Variants in FUT8 observed in about 807,000 individuals in gnomAD.
The protein encoded by FUT8 is alpha-(1,6)-fucosyltransferase.
FUT8 carries 29 observed loss-of-function variants against 71.3 expected under a neutral mutation model. The ratio of observed to expected loss-of-function variants is 0.41; its 90% CI spans 0.30 to 0.55. The LOEUF is 0.55. Ranked by LOEUF, FUT8 falls within the 20% of genes least tolerant of loss-of-function variation. FUT8 has a pLI of 0.34. For synonymous variants in FUT8, 254 were observed against 239.3 expected, an observed-to-expected ratio of 1.06 and a Z score of -0.57; for missense variants, 544 against 702.1, an observed-to-expected ratio of 0.77 and a Z score of 2.55.
intron 2 of FUT8, among the ~76,000 whole-genome samples, chr14:65,532,036 G>T (rs996827031): frequency 2.9e-4 from 44 of 152,124 alleles, no homozygotes; most frequent in Non-Finnish European, 2.9e-5. Context: ...AGGCATTTAG[G>T]TTGATTTCAT....
intron 9 of FUT8, among the ~76,000 whole-genome samples, chr14:65,728,112 C>T (rs147581783): frequency 6.3e-4 from 96 of 152,300 alleles, no homozygotes; most frequent in African/African-American, 2.0e-3. Context: ...CTAGGAAGTT[C>T]GAAACTCCCA....
the FUT8 span, among the ~76,000 whole-genome samples, chr14:65,365,514 A>C: frequency 2.0e-5 from 3 of 152,120 alleles, no homozygotes; most frequent in African/African-American, 7.2e-5. Flanking sequence ...ACAGGATGAG[A>C]TAGGAGGTCA....
chr14:65,651,584 T>C (rs1222478541), intron 6 of FUT8, among the ~76,000 whole-genome samples: 2 of 152,176 alleles, frequency 1.3e-5, no homozygotes, highest in Non-Finnish European at 2.9e-5. Flanking sequence ...GACACAGATG[T>C]TGGAATTGTC....
rs80283847 is a variant in FUT8 at position 65,532,537 on chromosome 14, T to C, written c.-227-28800T>C. Among the ~76,000 whole-genome samples the C allele has an allele frequency of 6.8e-3, 1,029 of 152,336 alleles. 16 individuals are homozygous for C. Among genetic ancestry groups the C allele is most frequent in the African/African-American group, 0.021 (877 of 41,586 alleles). ...TTATAGATGTTGGAAATTAGACCTT[T>C]GTCAGATTCATAGACCTTTACAGTT... On this transcript the variant is annotated intron_variant, in intron 2 of 10. Coordinates refer to ENST00000673929, the MANE Select transcript of FUT8 (RefSeq NM_001371533.1).
chr14:65,432,042 T>A (rs1205446681), intron 1 of FUT8, among the ~76,000 whole-genome samples: 1 of 152,204 alleles, frequency 6.6e-6, no homozygotes, highest in African/African-American at 2.4e-5. Flanking sequence ...ACCAGTGACC[T>A]TCTGAATTGC....
At chr14:65,518,324 A>AT (rs1248564810) in intron 2 of FUT8, among the ~76,000 whole-genome samples, 2 of 152,072 alleles carry the variant, frequency 1.3e-5, no homozygotes, top group African/African-American at 2.4e-5. Flanking sequence ...CTGTAGTAGT[A>AT]TTTTTTTCCT....
intron 3 of FUT8, among the ~76,000 whole-genome samples, chr14:65,587,785 A>G (rs1482357258): frequency 1.3e-5 from 2 of 152,200 alleles, no homozygotes; most frequent in Non-Finnish European, 2.9e-5. Context: ...GCATCCATGT[A>G]TTAGTTGTGT....
intron 3 of FUT8, among the ~76,000 whole-genome samples, chr14:65,596,877 A>T (rs545168290): frequency 1.3e-5 from 2 of 152,348 alleles, no homozygotes; most frequent in Admixed American, 6.5e-5. Flanking sequence ...TAGACTGTAG[A>T]CATCCTAGTT....
intron 7 of FUT8, among the ~76,000 whole-genome samples, chr14:65,692,321 C>G (rs1176123145): frequency 4.6e-5 from 7 of 150,872 alleles, no homozygotes; most frequent in African/African-American, 9.7e-5. Context: ...AGAGGCGCCC[C>G]TCACCTCCCA....
At chr14:65,389,183 A>T in the FUT8 span, among the ~76,000 whole-genome samples, 1 of 149,836 alleles carries the variant, frequency 6.7e-6, no homozygotes, top group South Asian at 2.2e-4. Flanking sequence ...ATATATATAT[A>T]AAAAAATTAT....
At chr14:65,645,600 G>A (rs560377717) in intron 6 of FUT8, among the ~76,000 whole-genome samples, 12 of 152,094 alleles carry the variant, frequency 7.9e-5, no homozygotes, top group African/African-American at 1.2e-4. Flanking sequence ...AGCTTGTGCC[G>A]TTTAGACAGG....
chr14:65,622,327 A>G (rs1187259740), intron 5 of FUT8, among the ~76,000 whole-genome samples: 2 of 152,218 alleles, frequency 1.3e-5, no homozygotes, highest in East Asian at 1.9e-4. Context: ...AGGAAAATAT[A>G]TAAAATACTT....
chr14:65,368,847 G>A, the FUT8 span, among the ~76,000 whole-genome samples: 23 of 151,882 alleles, frequency 1.5e-4, no homozygotes, highest in Admixed American at 1.5e-3. Context: ...TATTAGAGAC[G>A]GGGTTTCACC....
At chr14:65,726,360 T>C (rs1225282417) in intron 9 of FUT8, among the ~76,000 whole-genome samples, 1 of 152,222 alleles carries the variant, frequency 6.6e-6, no homozygotes, top group East Asian at 1.9e-4. Flanking sequence ...CTGATAGACA[T>C]ACCCCAGACT....
At chr14:65,567,437 T>C (rs1252343330) in intron 3 of FUT8, among the ~76,000 whole-genome samples, 3 of 151,916 alleles carry the variant, frequency 2.0e-5, no homozygotes, top group Non-Finnish European at 4.4e-5. Context: ...CATGTTTTAC[T>C]GTTGTTTGAG....
intron 2 of FUT8, among the ~76,000 whole-genome samples, chr14:65,500,381 C>G (rs1312357487): frequency 2.6e-5 from 4 of 151,996 alleles, no homozygotes; most frequent in East Asian, 3.9e-4. Context: ...TTTTTTCTTT[C>G]GGTAAAAATA....
At chr14:65,631,283 C>G (rs1224068189) in intron 6 of FUT8, among the ~76,000 whole-genome samples, 1 of 152,114 alleles carries the variant, frequency 6.6e-6, no homozygotes, top group East Asian at 1.9e-4. Flanking sequence ...AAATTTTCAC[C>G]AACTATATCT....
chr14:65,629,010 G>GGT (rs1890036040), intron 5 of FUT8, among the ~76,000 whole-genome samples: 1 of 152,112 alleles, frequency 6.6e-6, no homozygotes, highest in African/African-American at 2.4e-5. Context: ...GCTGACCCTT[G>GGT]GTTTATACTG....
intron 3 of FUT8, among the ~76,000 whole-genome samples, chr14:65,581,128 T>G (rs1052078594): frequency 6.6e-6 from 1 of 152,090 alleles, no homozygotes; most frequent in African/African-American, 2.4e-5. Context: ...TGTTTGATGA[T>G]GTAATAGTTA....
Sources: allele counts gnomAD v4.1 joint callset (sites outside exome capture counted in the v4.1 genomes callset), GRCh38; gene constraint gnomAD v4.1.1; transcripts MANE v1.5; gene names NCBI Gene and HGNC (gene_info 2026-07-23, HGNC 2026-07-21).